PCDH9: variants seen among roughly 807,000 people sequenced by gnomAD.
The protein encoded by PCDH9 is protocadherin 9, also known as protocadherin-9.
A neutral mutation model predicts 70.6 loss-of-function variants in PCDH9; 24 were observed. The observed-to-expected ratio is 0.34, with a 90% CI of 0.25 to 0.48. The LOEUF is 0.48. Ranked by LOEUF, PCDH9 falls within the 20% of genes least tolerant of loss-of-function variation. The pLI is 0.99. For synonymous variants in PCDH9, 562 were observed against 558.5 expected (o/e 1.01, Z -0.09); for missense variants, 1,281 against 1,503.6 (o/e 0.85, Z 2.45).
chr13:66,509,278 C>A (rs1314967684), intron 4 of PCDH9, among the ~76,000 whole-genome samples: 5 of 152,090 alleles, frequency 3.3e-5, no homozygotes, highest in African/African-American at 1.2e-4. Context: ...CAGCCTCTTG[C>A]CAATTTCACA....
intron 3 of PCDH9, among the ~76,000 whole-genome samples, chr13:66,644,749 T>C (rs2077750339): frequency 6.6e-6 from 1 of 152,078 alleles, no homozygotes; most frequent in Non-Finnish European, 1.5e-5. Flanking sequence ...TCCTCAATTG[T>C]CCTCGGCTTC....
Position 67,004,145 on chromosome 13 carries a change from T to G in PCDH9, c.3037-100540A>C, listed in dbSNP as rs74096737. On this transcript the variant is annotated intron_variant, in intron 2 of 4. Coordinates refer to ENST00000377865, the MANE Select transcript of PCDH9 (RefSeq NM_203487.3). ...GTCACAGAGGTAAAAATTAACTTTT[T>G]TTTTTTGTTATATACATTTGCTTAG... is the stretch of plus-strand genomic sequence containing the variant. Among the ~76,000 whole-genome samples the G allele has an allele frequency of 4.9e-3, 753 of 152,314 alleles. 3 individuals carry two copies. The highest frequency in any genetic ancestry group is 0.017 in the African/African-American group (699 of 41,560).
intron 4 of PCDH9, among the ~76,000 whole-genome samples, chr13:66,379,533 C>A (rs1403159352): frequency 1.3e-5 from 2 of 152,136 alleles, no homozygotes; most frequent in African/African-American, 4.8e-5. Context: ...ATGACAGTTT[C>A]TTTGTATGAC....
At chr13:66,706,800 A>G (rs1317250844) in intron 3 of PCDH9, among the ~76,000 whole-genome samples, 1 of 152,194 alleles carries the variant, frequency 6.6e-6, no homozygotes, top group Admixed American at 6.5e-5. Flanking sequence ...TGTCAGGGCA[A>G]GGAGTAAAAA....
intron 2 of PCDH9, among the ~76,000 whole-genome samples, chr13:67,023,094 C>T (rs1045140660): frequency 2.0e-5 from 3 of 152,124 alleles, no homozygotes; most frequent in African/African-American, 7.2e-5. Context: ...TTTGAAACTT[C>T]TGTTCTACAA....
At chr13:66,603,927 TCTC>T (rs933717080) in intron 4 of PCDH9, among the ~76,000 whole-genome samples, 5 of 151,998 alleles carry the variant, frequency 3.3e-5, no homozygotes, top group African/African-American at 1.2e-4. Flanking sequence ...GATCTTTTCT[TCTC>T]CTGATTTTCT....
At chr13:66,889,063 C>A (rs577796170) in intron 3 of PCDH9, among the ~76,000 whole-genome samples, 1 of 152,136 alleles carries the variant, frequency 6.6e-6, no homozygotes, top group Non-Finnish European at 1.5e-5. Flanking sequence ...CCTGCCTGTG[C>A]GGTTGAGATG....
intron 4 of PCDH9, among the ~76,000 whole-genome samples, chr13:66,420,616 C>T (rs1007755971): frequency 1.3e-5 from 2 of 152,264 alleles, no homozygotes; most frequent in African/African-American, 4.8e-5. Flanking sequence ...GGAAAACTAA[C>T]AAACAGAAAG....
At chr13:66,328,812 T>G (rs1003281836) in intron 4 of PCDH9, among the ~76,000 whole-genome samples, 1 of 152,166 alleles carries the variant, frequency 6.6e-6, no homozygotes, top group African/African-American at 2.4e-5. Flanking sequence ...TGAATTGAGC[T>G]TCAAAGAAAT....
chr13:66,690,944 C>CT (rs111964019), intron 3 of PCDH9, among the ~76,000 whole-genome samples: 43 of 152,278 alleles, frequency 2.8e-4, no homozygotes, highest in African/African-American at 8.7e-4. Flanking sequence ...ACATATTGCA[C>CT]TAAAGTTTTA....
At chr13:67,185,039 A>G (rs2088716168) in intron 2 of PCDH9, among the ~76,000 whole-genome samples, 1 of 152,176 alleles carries the variant, frequency 6.6e-6, no homozygotes, top group Admixed American at 6.5e-5. Flanking sequence ...TGTAACTCCT[A>G]TACCTAGCAA....
In PCDH9 at chr13:67,089,619, A is replaced by G. The variant is rs140617057; in HGVS notation, c.3036+135786T>C. On this transcript the variant is annotated intron_variant, in intron 2 of 4. Coordinates refer to ENST00000377865, the MANE Select transcript of PCDH9 (RefSeq NM_203487.3). The stretch of plus-strand genomic sequence containing the variant: ...AATAAAAATTCATCATACTTGGACA[A>G]AAAATGAGCTCCAGAAATGTAAGTA... 5.6e-4 allele frequency among the ~76,000 whole-genome samples: 85 copies of G among 152,180 alleles called. 4 individuals carry two copies. The East Asian group carries it at 0.016, about 28-fold the overall frequency.
At chr13:66,723,879 A>AGG (rs1286644649) in intron 3 of PCDH9, among the ~76,000 whole-genome samples, 1 of 152,228 alleles carries the variant, frequency 6.6e-6, no homozygotes, top group African/African-American at 2.4e-5. Flanking sequence ...AGTTTTTAAA[A>AGG]GTCGCATTGT....
rs147427673 is a variant in PCDH9, at chr13:66,947,358, G to C, written c.3037-43753C>G. Reference sequence around the variant, plus strand: ...AAATGTCAGATACAGTAAGATTGTAGTGTAAATTTTACTGTAAAAAATAAT... The same window carrying C: ...AAATGTCAGATACAGTAAGATTGTACTGTAAATTTTACTGTAAAAAATAAT... On this transcript the variant is annotated intron_variant, in intron 2 of 4. Transcript: ENST00000377865. 1.6e-3 allele frequency among the ~76,000 whole-genome samples: 251 copies of C among 152,234 alleles called. 3 individuals carry two copies. The highest frequency in any genetic ancestry group is 5.8e-3 in the African/African-American group (239 of 41,556).
chr13:66,575,001 C>T (rs1292523559), intron 4 of PCDH9, among the ~76,000 whole-genome samples: 4 of 151,962 alleles, frequency 2.6e-5, no homozygotes, highest in African/African-American at 4.8e-5. Flanking sequence ...GGTGAAACCT[C>T]GTCTCTACTA....
At chr13:66,510,452 C>T (rs1959413410) in intron 4 of PCDH9, among the ~76,000 whole-genome samples, 1 of 151,962 alleles carries the variant, frequency 6.6e-6, no homozygotes, top group African/African-American at 2.4e-5. Context: ...TGTTGGTGTG[C>T]TGCACCCATT....
chr13:66,402,444 TATA>T (rs994009443), intron 4 of PCDH9, among the ~76,000 whole-genome samples: 8 of 152,018 alleles, frequency 5.3e-5, no homozygotes, highest in Non-Finnish European at 1.0e-4. Flanking sequence ...ATTATAATAA[TATA>T]TTATAACTGG....
At chr13:66,959,798 C>G (rs1259210049) in intron 2 of PCDH9, among the ~76,000 whole-genome samples, 2 of 151,580 alleles carry the variant, frequency 1.3e-5, no homozygotes, top group Non-Finnish European at 2.9e-5. Flanking sequence ...CTTTCATGAC[C>G]TGATAACTTG....
intron 4 of PCDH9, among the ~76,000 whole-genome samples, chr13:66,549,067 T>C (rs938832621): frequency 4.6e-5 from 7 of 152,162 alleles, no homozygotes; most frequent in Admixed American, 3.9e-4. Flanking sequence ...TGTCTTATTC[T>C]ATTTCCAAGA....
Sources: allele counts gnomAD v4.1 joint callset (sites outside exome capture counted in the v4.1 genomes callset), GRCh38; gene constraint gnomAD v4.1.1; transcripts MANE v1.5; gene names NCBI Gene and HGNC (gene_info 2026-07-23, HGNC 2026-07-21).